Variants in HNF4G observed in about 807,000 individuals in gnomAD.
HNF4G encodes the protein hepatocyte nuclear factor 4 gamma, also known as hepatocyte nuclear factor 4-gamma.
HNF4G carries 21 observed loss-of-function variants against 50.9 expected under a neutral mutation model. The observed-to-expected ratio is 0.41, with a 90% confidence interval of 0.29 to 0.59. The LOEUF (loss-of-function observed/expected upper bound fraction) is 0.59. Ranked by LOEUF, HNF4G falls within the 20% of genes least tolerant of loss-of-function variation. The pLI is 0.26. For missense variants in HNF4G, 527 were observed against 559.4 expected (o/e 0.94, Z 0.58); for synonymous variants, 198 against 185.6 (o/e 1.07, Z -0.54).
intron 1 of HNF4G, among the ~76,000 whole-genome samples, chr8:75,477,098 T>C (rs145376470): frequency 1.9e-3 from 284 of 152,360 alleles, no homozygotes; most frequent in African/African-American, 6.5e-3. Context: ...TCAATTTTAA[T>C]TGATAACACC....
At chr8:75,445,546 G>A in intron 1 of HNF4G, among the ~76,000 whole-genome samples, 1 of 43,678 alleles carries the variant, frequency 2.3e-5, no homozygotes, top group Non-Finnish European at 4.0e-5. Context: ...GACTAATAAA[G>A]AAAAAAAGAG....
intron 1 of HNF4G, among the ~76,000 whole-genome samples, chr8:75,458,663 T>A (rs779643792): frequency 6.6e-6 from 1 of 152,182 alleles, no homozygotes; most frequent in South Asian, 2.1e-4. Flanking sequence ...TACATGTGAA[T>A]TGAATTTACG....
intron 1 of HNF4G, among the ~76,000 whole-genome samples, chr8:75,478,813 T>G (rs997827526): frequency 6.6e-6 from 1 of 152,148 alleles, no homozygotes; most frequent in Non-Finnish European, 1.5e-5. Flanking sequence ...GACTTCCGCC[T>G]CCCGAGTTCA....
At chr8:75,537,693 T>C (rs988143951), upstream of HNF4G, among the ~76,000 whole-genome samples, 18 of 151,976 alleles carry the variant, frequency 1.2e-4, no homozygotes, top group African/African-American at 4.1e-4. Flanking sequence ...GCCTTATGGG[T>C]TGCTTTAACT....
At chr8:75,413,813 T>C (rs994140980) in intron 1 of HNF4G, among the ~76,000 whole-genome samples, 3 of 151,914 alleles carry the variant, frequency 2.0e-5, no homozygotes, top group Non-Finnish European at 2.9e-5. Flanking sequence ...GCCGAGATTC[T>C]AGCATTACAC....
At chr8:75,543,238 T>C (rs1475763560) in intron 1 of HNF4G, among the ~76,000 whole-genome samples, 2 of 151,824 alleles carry the variant, frequency 1.3e-5, no homozygotes, top group African/African-American at 4.8e-5. Flanking sequence ...ATAAAAAGTA[T>C]TGTAAACATG....
At chr8:75,556,362 A>ATT (rs757072282) in intron 6 of HNF4G, among the ~76,000 whole-genome samples, 2 of 152,182 alleles carry the variant, frequency 1.3e-5, no homozygotes, top group Non-Finnish European at 2.9e-5. Context: ...AGAATGAATA[A>ATT]TTAGTAAATT....
chr8:75,455,948 C>T (rs1811709918), intron 1 of HNF4G, among the ~76,000 whole-genome samples: 1 of 152,104 alleles, frequency 6.6e-6, no homozygotes, highest in South Asian at 2.1e-4. Flanking sequence ...AGAATCATTA[C>T]TAATTCTATA....
intron 8 of HNF4G, among the ~76,000 whole-genome samples, chr8:75,559,264 G>T (rs1807229379): frequency 1.3e-5 from 1 of 75,460 alleles, no homozygotes; most frequent in African/African-American, 1.1e-4. Flanking sequence ...ACCCCCATTC[G>T]TTTTTTTTGT....
At chr8:75,422,365 T>C (rs1399736669) in intron 1 of HNF4G, among the ~76,000 whole-genome samples, 1 of 152,188 alleles carries the variant, frequency 6.6e-6, no homozygotes, top group Non-Finnish European at 1.5e-5. Context: ...AGTACCATTG[T>C]TTATATGATC....
chr8:75,413,874 T>TA (rs1290373451), intron 1 of HNF4G, among the ~76,000 whole-genome samples: 5 of 149,598 alleles, frequency 3.3e-5, no homozygotes, highest in Non-Finnish European at 6.0e-5. Context: ...TAAAAAAAAA[T>TA]AAAAAAATTA....
intron 2 of HNF4G, among the ~76,000 whole-genome samples, chr8:75,493,119 CAT>C (rs1298990938): frequency 6.6e-6 from 1 of 151,682 alleles, no homozygotes; most frequent in African/African-American, 2.4e-5. Context: ...GTATTGAAAA[CAT>C]GTAGATCTAC....
intron 1 of HNF4G, among the ~76,000 whole-genome samples, chr8:75,462,865 A>G (rs949305692): frequency 2.0e-5 from 3 of 152,116 alleles, no homozygotes; most frequent in African/African-American, 7.2e-5. Context: ...GAAAATAACA[A>G]AGATAGAGAA....
chr8:75,442,187 A>G (rs1811302245), intron 1 of HNF4G, among the ~76,000 whole-genome samples: 1 of 152,162 alleles, frequency 6.6e-6, no homozygotes. Context: ...CACAGGATAG[A>G]AATTACCCCA....
intron 1 of HNF4G, among the ~76,000 whole-genome samples, chr8:75,449,500 TA>T (rs1278556767): frequency 6.7e-5 from 8 of 119,240 alleles, no homozygotes; most frequent in East Asian, 4.4e-4. Context: ...AATATATATA[TA>T]TTTTTTTCTT....
intron 2 of HNF4G, among the ~76,000 whole-genome samples, chr8:75,496,318 AC>A (rs1194463241): frequency 6.6e-6 from 1 of 151,960 alleles, no homozygotes; most frequent in Non-Finnish European, 1.5e-5. Context: ...TTTTCCTGAT[AC>A]CTACTGGCAG....
intron 2 of HNF4G, among the ~76,000 whole-genome samples, chr8:75,533,101 T>G (rs2130769927): frequency 6.6e-6 from 1 of 152,184 alleles, no homozygotes; most frequent in East Asian, 1.9e-4. Context: ...ACTCATGTAC[T>G]CAGTGTAAAT....
chr8:75,429,685 G>A (rs746738482), intron 1 of HNF4G, among the ~76,000 whole-genome samples: 9 of 152,148 alleles, frequency 5.9e-5, no homozygotes, highest in Non-Finnish European at 1.3e-4. Context: ...ACAGCTCTGT[G>A]TTTTGTTCCT....
intron 2 of HNF4G, among the ~76,000 whole-genome samples, chr8:75,519,879 C>G (rs527374072): frequency 2.0e-5 from 3 of 151,936 alleles, no homozygotes; most frequent in African/African-American, 7.2e-5. Flanking sequence ...ATCTCATAGT[C>G]TCTGTATTTC....
Sources: gnomAD v4.1 joint callset for allele counts (sites outside exome capture counted in the v4.1 genomes callset) on GRCh38, gnomAD v4.1.1 for gene constraint, MANE v1.5 for transcripts, NCBI Gene and HGNC (gene_info 2026-07-23, HGNC 2026-07-21) for gene names.